The following GALNT13 variants were observed in gnomAD, a reference collection of about 807,000 sequenced individuals.
GALNT13 encodes UDP-GalNAc:polypeptide N-acetylgalactosaminyltransferase 13.
A neutral mutation model predicts 64.2 loss-of-function variants in GALNT13; 28 were observed. The observed-to-expected ratio is 0.44, with a 90% CI of 0.32 to 0.60. The LOEUF is 0.60. Among genes scored for constraint, GALNT13 ranks in the 20% least tolerant of loss-of-function variants. The probability of loss-of-function intolerance (pLI) is 0.05; values close to 1 mark genes in which losing one functional copy is unlikely to be tolerated. For synonymous variants in GALNT13, 214 were observed against 224.6 expected, an observed-to-expected ratio of 0.95 and a Z score of 0.42; for missense variants, 577 against 669.8, an observed-to-expected ratio of 0.86 and a Z score of 1.53.
intron 9 of GALNT13, among the ~76,000 whole-genome samples, chr2:154,329,787 A>T (rs1018465867): frequency 1.3e-4 from 13 of 96,928 alleles, no homozygotes; most frequent in Non-Finnish European, 2.1e-4. Context: ...GCTGGTTGTT[A>T]AAAAAAAGCC....
At chr2:154,343,800 A>G (rs1173869604) in intron 9 of GALNT13, among the ~76,000 whole-genome samples, 1 of 152,072 alleles carries the variant, frequency 6.6e-6, no homozygotes, top group East Asian at 1.9e-4. Flanking sequence ...GAATGAAATG[A>G]GGTAATAGAT....
chr2:153,706,659 T>C, the GALNT13 span, among the ~76,000 whole-genome samples: 2 of 152,200 alleles, frequency 1.3e-5, no homozygotes, highest in Non-Finnish European at 2.9e-5. Context: ...ATATATTTCA[T>C]ATCTGTCTAG....
At chr2:153,551,489 G>A in the GALNT13 span, among the ~76,000 whole-genome samples, 5 of 152,212 alleles carry the variant, frequency 3.3e-5, no homozygotes, top group African/African-American at 1.2e-4. Flanking sequence ...AGACAGGGTA[G>A]AAGACTAATA....
At chr2:153,501,185 C>T in the GALNT13 span, among the ~76,000 whole-genome samples, 1 of 152,012 alleles carries the variant, frequency 6.6e-6, no homozygotes, top group African/African-American at 2.4e-5. Flanking sequence ...ATTTATTTAG[C>T]CAAAATGATG....
intron 3 of GALNT13, among the ~76,000 whole-genome samples, chr2:154,084,723 C>T (rs1701441862): frequency 6.6e-6 from 1 of 151,946 alleles, no homozygotes; most frequent in Non-Finnish European, 1.5e-5. Context: ...CTAAGAATAA[C>T]TTTATATAAA....
intron 9 of GALNT13, among the ~76,000 whole-genome samples, chr2:154,349,417 C>T (rs920657764): frequency 1.3e-5 from 2 of 152,330 alleles, no homozygotes; most frequent in East Asian, 1.9e-4. Context: ...TTTTGCTCCT[C>T]CCTGACCAAA....
the GALNT13 span, among the ~76,000 whole-genome samples, chr2:153,752,834 G>A: frequency 6.6e-6 from 1 of 151,998 alleles, no homozygotes; most frequent in African/African-American, 2.4e-5. Context: ...AATAAACTTT[G>A]TACCTGTATC....
the GALNT13 span, among the ~76,000 whole-genome samples, chr2:153,482,500 C>T: frequency 2.0e-5 from 3 of 152,172 alleles, no homozygotes; most frequent in Non-Finnish European, 2.9e-5. Flanking sequence ...GATGGTGTCT[C>T]GCTCTGTTGC....
the GALNT13 span, among the ~76,000 whole-genome samples, chr2:153,205,052 G>GTTAT: frequency 6.6e-6 from 1 of 152,052 alleles, no homozygotes. Context: ...GATGGTAAAC[G>GTTAT]TTATTTTGAA....
rs1457208460 is a variant in GALNT13 at position 154,001,724 on chromosome 2, G to A, written c.142+57085G>A. On this transcript the variant is annotated intron_variant, in intron 3 of 12. Coordinates refer to ENST00000392825, the MANE Select transcript of GALNT13 (RefSeq NM_052917.4). ...TACAGGCCACAATTACAGTATTGGT[G>A]TATTCTTAATTTGTATGCTTTTACC... Among the ~76,000 whole-genome samples the A allele has an allele frequency of 2.0e-5, 3 of 151,968 alleles. No homozygotes were observed. In the East Asian group the frequency reaches 5.8e-4, roughly 29 times the overall value.
chr2:153,674,130 G>C, the GALNT13 span, among the ~76,000 whole-genome samples: 2 of 152,060 alleles, frequency 1.3e-5, no homozygotes, highest in Non-Finnish European at 2.9e-5. Context: ...TACTGTGCGA[G>C]GTAATTTATA....
the GALNT13 span, among the ~76,000 whole-genome samples, chr2:153,211,990 A>T: frequency 6.6e-6 from 1 of 152,328 alleles, no homozygotes; most frequent in Admixed American, 6.5e-5. Flanking sequence ...TGCCATCTGC[A>T]TAAAGTGATG....
Position 154,108,684 on chromosome 2 carries a change from G to A in GALNT13, c.143-31653G>A, listed in dbSNP as rs546081668. Among the ~76,000 whole-genome samples, 116 of 132,278 alleles carry A rather than the reference G, an allele frequency of 8.8e-4. 2 individuals are homozygous for A. In the East Asian group the frequency reaches 0.046, roughly 53 times the overall value. 86.8% of individuals were successfully genotyped at this position (132,278 alleles called of 152,430 possible). ...CAGCTCTTTCTTATGTAATTATTCC[G>A]TGATTTTTTTTTCTTCTTTTAGTTG... On this transcript the variant is annotated intron_variant, in intron 3 of 12. Coordinates refer to ENST00000392825, the MANE Select transcript of GALNT13 (RefSeq NM_052917.4).
the GALNT13 span, among the ~76,000 whole-genome samples, chr2:153,463,265 G>A: frequency 6.6e-6 from 1 of 151,976 alleles, no homozygotes; most frequent in African/African-American, 2.4e-5. Context: ...TCCATTAGCC[G>A]ACCCACCCCA....
rs140520710 is a variant in GALNT13 at position 153,989,430 on chromosome 2, A to G, written c.142+44791A>G. Among the ~76,000 whole-genome samples, 354 of 152,056 alleles carry G rather than the reference A, an allele frequency of 2.3e-3. 1 individual carries two copies. The highest frequency in any genetic ancestry group is 0.01 in the Middle Eastern group (3 of 294). On this transcript the variant is annotated intron_variant, in intron 3 of 12. Coordinates refer to ENST00000392825, the MANE Select transcript of GALNT13 (RefSeq NM_052917.4). Reference sequence around the variant, plus strand: ...TCCTTTAAGGCACCAATCATGATATATATGTGGTCTAAATACGTTGATAAA... The same window carrying G: ...TCCTTTAAGGCACCAATCATGATATGTATGTGGTCTAAATACGTTGATAAA...
chr2:153,414,717 C>G, the GALNT13 span, among the ~76,000 whole-genome samples: 1 of 152,176 alleles, frequency 6.6e-6, no homozygotes, highest in East Asian at 1.9e-4. Flanking sequence ...CTAGGTTTTA[C>G]AGCTTAAAAA....
the GALNT13 span, among the ~76,000 whole-genome samples, chr2:153,537,084 C>A: frequency 6.6e-6 from 1 of 152,130 alleles, no homozygotes; most frequent in African/African-American, 2.4e-5. Context: ...AGGGGTGGAA[C>A]AGTCCAGCAA....
the GALNT13 span, among the ~76,000 whole-genome samples, chr2:153,360,148 A>G: frequency 6.6e-6 from 1 of 152,272 alleles, no homozygotes; most frequent in South Asian, 2.1e-4. Flanking sequence ...CAGAGAAGGA[A>G]GAGCAGTGGG....
At chr2:153,202,088 C>A in the GALNT13 span, among the ~76,000 whole-genome samples, 1 of 150,652 alleles carries the variant, frequency 6.6e-6, no homozygotes, top group Non-Finnish European at 1.5e-5. Flanking sequence ...GGGTTCACGC[C>A]ATTCTCCTGC....
Sources: gnomAD v4.1 joint callset for allele counts (sites outside exome capture counted in the v4.1 genomes callset) on GRCh38, gnomAD v4.1.1 for gene constraint, MANE v1.5 for transcripts, NCBI Gene and HGNC (gene_info 2026-07-23, HGNC 2026-07-21) for gene names.